The following SLC14A2 variants were observed in gnomAD, a reference collection of about 807,000 sequenced individuals.
SLC14A2 encodes the protein solute carrier family 14 member 2, also known as urea transporter 2.
SLC14A2 carries 91 observed loss-of-function variants against 104.6 expected under a neutral mutation model. The observed-to-expected ratio is 0.87, with a 90% CI of 0.73 to 1.04. The LOEUF is 1.04. SLC14A2 is among the 50% of genes least tolerant of loss of function. SLC14A2 has a pLI of 0.00. For missense variants in SLC14A2, 1,189 were observed against 1,156.0 expected (o/e 1.03, Z -0.41); for synonymous variants, 476 against 466.4 (o/e 1.02, Z -0.27).
intron 2 of SLC14A2, among the ~76,000 whole-genome samples, chr18:45,586,989 TTTAAA>T (rs1314770237): frequency 6.6e-6 from 1 of 152,192 alleles, no homozygotes; most frequent in Non-Finnish European, 1.5e-5. Context: ...TCTTCTTTAT[TTTAAA>T]TTATTTTTTT....
the SLC14A2 span, among the ~76,000 whole-genome samples, chr18:45,195,360 G>T: frequency 1.3e-5 from 2 of 152,164 alleles, no homozygotes; most frequent in Non-Finnish European, 2.9e-5. Context: ...TTGCTAAAAA[G>T]GTTGAAGCAG....
At chr18:45,476,218 T>C (rs1157567889) in intron 1 of SLC14A2, among the ~76,000 whole-genome samples, 1 of 152,196 alleles carries the variant, frequency 6.6e-6, no homozygotes, top group Non-Finnish European at 1.5e-5. Flanking sequence ...GTAAAGGATT[T>C]TATTTCTCCT....
intron 2 of SLC14A2, among the ~76,000 whole-genome samples, chr18:45,514,542 A>G (rs1028071806): frequency 3.3e-5 from 5 of 152,210 alleles, no homozygotes; most frequent in African/African-American, 1.2e-4. Flanking sequence ...GGCCTTGTAG[A>G]TGAACTTGAT....
At chr18:45,674,045 G>T (rs112385583) in intron 18 of SLC14A2, among the ~76,000 whole-genome samples, 1 of 152,156 alleles carries the variant, frequency 6.6e-6, no homozygotes, top group African/African-American at 2.4e-5. Context: ...AACTGGCTGA[G>T]CAACTCTTAT....
At chr18:45,672,571 C>T (rs892199765) in intron 16 of SLC14A2, among the ~76,000 whole-genome samples, 1 of 151,976 alleles carries the variant, frequency 6.6e-6, no homozygotes, top group Non-Finnish European at 1.5e-5. Flanking sequence ...TAAACCCCAA[C>T]TTTGATCAGA....
intron 1 of SLC14A2, among the ~76,000 whole-genome samples, chr18:45,377,047 A>T (rs1224275696): frequency 6.6e-6 from 1 of 152,156 alleles, no homozygotes; most frequent in African/African-American, 2.4e-5. Context: ...ATGCCTGAAC[A>T]ACCCATTGCC....
intron 1 of SLC14A2, among the ~76,000 whole-genome samples, chr18:45,343,905 T>C (rs532919426): frequency 6.6e-6 from 1 of 152,284 alleles, no homozygotes; most frequent in East Asian, 1.9e-4. Context: ...GACAGCAATA[T>C]CTGATTATAT....
chr18:45,529,602 A>G (rs1226270337), intron 2 of SLC14A2: 1 of 152,138 alleles, frequency 6.6e-6, no homozygotes, highest in Non-Finnish European at 1.5e-5. Context: ...AGTTTTTTCC[A>G]CCCTCTGCCT....
chr18:45,396,725 C>T (rs1269031898), intron 1 of SLC14A2, among the ~76,000 whole-genome samples: 2 of 148,670 alleles, frequency 1.3e-5, no homozygotes, highest in African/African-American at 2.5e-5. Context: ...ACATAGGTAA[C>T]CTCGTGTCAT....
At position 45,273,396 on chromosome 18, in the gene SLC14A2, G is replaced by A. The variant is rs139313987; in HGVS notation, c.-125+60205G>A. Among the ~76,000 whole-genome samples, 673 of 152,196 alleles carry A rather than the reference G, an allele frequency of 4.4e-3. 5 individuals carry two copies. Among genetic ancestry groups the A allele is most frequent in the African/African-American group, 0.014 (595 of 41,546 alleles). On this transcript the variant is annotated intron_variant, in intron 1 of 20. Coordinates refer to the SLC14A2 transcript ENST00000586448. ...GAAAATGGGATGCTATGATTGGTTA[G>A]GCTTGAGTTATCTTCTCTGGAGGTA...
At chr18:45,402,428 C>T (rs1216769199) in intron 1 of SLC14A2, among the ~76,000 whole-genome samples, 1 of 152,224 alleles carries the variant, frequency 6.6e-6, no homozygotes, top group Non-Finnish European at 1.5e-5. Flanking sequence ...CATTATTACT[C>T]TACATCTTTA....
At chr18:45,598,083 C>G (rs574933017) in intron 2 of SLC14A2, among the ~76,000 whole-genome samples, 11 of 152,264 alleles carry the variant, frequency 7.2e-5, no homozygotes, top group Admixed American at 1.3e-4. Flanking sequence ...AAATGGGCAA[C>G]CCACACATTC....
chr18:45,631,364 C>G (rs929102430), intron 4 of SLC14A2, among the ~76,000 whole-genome samples: 5 of 152,216 alleles, frequency 3.3e-5, no homozygotes, highest in Non-Finnish European at 7.3e-5. Context: ...CCCTCCCTCA[C>G]CCACAGCCTA....
At chr18:45,430,820 G>A (rs1227271164) in intron 1 of SLC14A2, among the ~76,000 whole-genome samples, 1 of 152,076 alleles carries the variant, frequency 6.6e-6, no homozygotes, top group African/African-American at 2.4e-5. Flanking sequence ...GCCTTCACAT[G>A]GTGGGAAGAA....
chr18:45,261,107 C>T (rs894948226), intron 1 of SLC14A2, among the ~76,000 whole-genome samples: 1 of 151,728 alleles, frequency 6.6e-6, no homozygotes, highest in African/African-American at 2.4e-5. Flanking sequence ...TGGTGTGCTG[C>T]ACCCATTAAC....
intron 1 of SLC14A2, among the ~76,000 whole-genome samples, chr18:45,308,883 G>C (rs896821793): frequency 1.3e-5 from 2 of 152,164 alleles, no homozygotes; most frequent in Admixed American, 6.5e-5. Context: ...CATTTGAGTG[G>C]CTTGTTTATT....
At chr18:45,258,154 A>T (rs1021070482) in intron 1 of SLC14A2, among the ~76,000 whole-genome samples, 1 of 144,968 alleles carries the variant, frequency 6.9e-6, no homozygotes, top group Non-Finnish European at 1.5e-5. Flanking sequence ...CACTTTTCCA[A>T]GGTCACCTGT....
intron 2 of SLC14A2, among the ~76,000 whole-genome samples, chr18:45,537,042 C>T (rs1461526298): frequency 3.9e-5 from 5 of 128,408 alleles, no homozygotes; most frequent in Non-Finnish European, 6.7e-5. Flanking sequence ...TCCCTCCCTC[C>T]CTCCCTCCCT....
At chr18:45,550,104 T>C (rs745333805) in intron 2 of SLC14A2, 1 of 152,180 alleles carries the variant, frequency 6.6e-6, no homozygotes, top group Non-Finnish European at 1.5e-5. Flanking sequence ...AAGTCCTTCT[T>C]CATGTAGAAG....
Sources: allele counts gnomAD v4.1 joint callset (sites outside exome capture counted in the v4.1 genomes callset), GRCh38; gene constraint gnomAD v4.1.1; transcripts MANE v1.5; gene names NCBI Gene and HGNC (gene_info 2026-07-23, HGNC 2026-07-21).